The following CTSS variants were observed in gnomAD, a reference collection of about 807,000 sequenced individuals.
CTSS encodes cathepsin S.
Under a neutral mutation model 39.9 loss-of-function variants are expected in CTSS, and 15 were observed. The ratio of observed to expected loss-of-function variants is 0.38; its 90% CI spans 0.25 to 0.58. The LOEUF is 0.58. Ranked by LOEUF, CTSS falls within the 20% of genes least tolerant of loss-of-function variation. The pLI is 0.70. For synonymous variants in CTSS, 126 were observed against 138.2 expected, an observed-to-expected ratio of 0.91 and a Z score of 0.62; for missense variants, 250 against 398.2, an observed-to-expected ratio of 0.63 and a Z score of 3.17.
intron 7 of CTSS, among the ~76,000 whole-genome samples, chr1:150,740,547 C>T (rs1233772320): frequency 6.6e-6 from 1 of 151,894 alleles, no homozygotes; most frequent in Non-Finnish European, 1.5e-5. Flanking sequence ...TGCGCCACCA[C>T]GCCTGGCTAA....
Position 150,751,896 on chromosome 1 carries a change from G to A in CTSS, c.512C>T (p.Ser171Leu). 1 of 1,614,112 alleles carries A rather than the reference G, an allele frequency of 6.2e-7. No individual in the cohort carries two copies. The highest frequency in any genetic ancestry group is 8.5e-7 in the Non-Finnish European group (1 of 1,180,032). ...SLSAQNLVDC[S>L]TEKYGNKGCN... ...GCCTTTGTTTCCATATTTTTCAGTT[G>A]AGCAATCCACCAGGTTCTGGGCACT... Residue 171 changes from serine (S) to leucine (L), a missense_variant, in exon 5 of 8, where the codon TCA becomes TTA. Ser to Leu is a moderately radical substitution (Grantham distance 145). Transcript: ENST00000368985.
intron 7 of CTSS, among the ~76,000 whole-genome samples, chr1:150,737,687 A>T (rs2101910030): frequency 6.6e-6 from 1 of 152,318 alleles, no homozygotes; most frequent in South Asian, 2.1e-4. Flanking sequence ...GATTACAGAG[A>T]CAAAGTCTTT....
At chr1:150,765,569 G>A (rs1310618206) in intron 1 of CTSS, 129 bp downstream of exon 1, 1 of 152,102 alleles carries the variant, frequency 6.6e-6, no homozygotes, top group Non-Finnish European at 1.5e-5. Context: ...TAGAGAAGAG[G>A]CAAATTGAAC....
At position 150,731,429 on chromosome 1, in the gene CTSS, T is replaced by C. The variant is rs1652520082; in HGVS notation, c.*1617A>G. 1 of 152,218 alleles carries C rather than the reference T, an allele frequency of 6.6e-6. No homozygotes were observed. The highest frequency in any genetic ancestry group is 1.5e-5 in the Non-Finnish European group (1 of 68,040). 9.4% of individuals were successfully genotyped at this position (152,218 alleles called of 1,614,324 possible). Reference sequence around the variant, plus strand: ...CTGAAAAGTAATCAACTAAATACTTTTAAACTATAATATTCTATACACTTT... The same window carrying C: ...CTGAAAAGTAATCAACTAAATACTTCTAAACTATAATATTCTATACACTTT... On this transcript the variant is annotated 3_prime_UTR_variant, in exon 8 of 8. Transcript: ENST00000368985.
intron 2 of CTSS, among the ~76,000 whole-genome samples, chr1:150,759,163 C>T (rs764631145): frequency 6.6e-5 from 10 of 151,850 alleles, no homozygotes; most frequent in Non-Finnish European, 7.4e-5. Flanking sequence ...AACCATACAC[C>T]CAGCCATGAT....
chr1:150,758,092 C>T, intron 2 of CTSS, 112 bp from the exon 3 acceptor site: 1 of 963,732 alleles, frequency 1.0e-6, no homozygotes, highest in Non-Finnish European at 1.5e-6. Flanking sequence ...CTCTGTCACC[C>T]AAGCTGGAGT....
At chr1:150,736,694 A>T (rs1001459665) in intron 7 of CTSS, among the ~76,000 whole-genome samples, 3 of 152,080 alleles carry the variant, frequency 2.0e-5, no homozygotes. Context: ...ACCAAGATCA[A>T]TTGCCCCCAG....
intron 7 of CTSS, among the ~76,000 whole-genome samples, chr1:150,738,389 C>A (rs184623521): frequency 2.2e-4 from 34 of 152,288 alleles, no homozygotes; most frequent in Non-Finnish European, 4.4e-4. Context: ...TTCCAACAGC[C>A]TGTGCTCACT....
chr1:150,736,580 T>C (rs1652640132), intron 7 of CTSS, among the ~76,000 whole-genome samples: 1 of 152,168 alleles, frequency 6.6e-6, no homozygotes, highest in Admixed American at 6.6e-5. Context: ...GTATGAAAAT[T>C]GAATTGAGGG....
chr1:150,745,752 T>G (rs751796144), intron 7 of CTSS, among the ~76,000 whole-genome samples: 7 of 152,082 alleles, frequency 4.6e-5, no homozygotes, highest in African/African-American at 7.2e-5. Flanking sequence ...TCAGGGTGAT[T>G]GTCCTAAAGG....
chr1:150,741,459 A>T (rs1652754516), intron 7 of CTSS, among the ~76,000 whole-genome samples: 1 of 152,178 alleles, frequency 6.6e-6, no homozygotes, highest in South Asian at 2.1e-4. Flanking sequence ...ATTGTTAGGC[A>T]TTTTTGGCTA....
chr1:150,744,574 AATATATT>A (rs1652850922), intron 7 of CTSS, among the ~76,000 whole-genome samples: 1 of 118,194 alleles, frequency 8.5e-6, no homozygotes, highest in Non-Finnish European at 1.7e-5. Context: ...ATGTATACAT[AATATATT>A]ATATATTATA....
At chr1:150,756,958 T>G (rs1199493538) in intron 3 of CTSS, among the ~76,000 whole-genome samples, 1 of 152,152 alleles carries the variant, frequency 6.6e-6, no homozygotes, top group Non-Finnish European at 1.5e-5. Context: ...TCAGGTGATC[T>G]GCCCACCTTG....
At chr1:150,734,483 A>G (rs1048622796) in intron 7 of CTSS, among the ~76,000 whole-genome samples, 1 of 152,048 alleles carries the variant, frequency 6.6e-6, no homozygotes, top group Non-Finnish European at 1.5e-5. Flanking sequence ...TCTACTAAAA[A>G]TACAAAAACT....
At chr1:150,756,114 A>G (rs907281033) in intron 3 of CTSS, among the ~76,000 whole-genome samples, 2 of 152,104 alleles carry the variant, frequency 1.3e-5, no homozygotes, top group Admixed American at 6.6e-5. Context: ...AAGTTTTTAC[A>G]CTTTTTTGTT....
At chr1:150,747,666 C>A in intron 7 of CTSS, 111 bp downstream of exon 7, 1 of 728,060 alleles carries the variant, frequency 1.4e-6, no homozygotes, top group South Asian at 1.7e-5. Context: ...CTATAAAGTT[C>A]ATCATTGTCA....
At position 150,755,115 on chromosome 1, in the gene CTSS, C is replaced by T. The variant is rs764345399; in HGVS notation, c.285G>A (p.Leu95=). ...TTCTCTGCCACTGGCTGGGAACTCTCAGGGAACTCATCAAAGACATCACTT... is the reference window on the plus strand; with the variant it reads ...TTCTCTGCCACTGGCTGGGAACTCTTAGGGAACTCATCAAAGACATCACTT... ...SEEVMSLMSS[L]RVPSQWQRNI... is the part of the protein sequence containing the mutation. Residue 95 remains leucine, a synonymous_variant, in exon 4 of 8, where the codon CTG becomes CTA. Transcript: ENST00000368985. 1.2e-6 allele frequency: 2 copies of T among 1,614,172 alleles called. No individual in the cohort carries two copies. The highest frequency in any genetic ancestry group is 1.6e-4 in the Middle Eastern group (1 of 6,062).
intron 6 of CTSS, 105 bp from the exon 7 acceptor site, chr1:150,747,984 A>G: frequency 2.7e-6 from 2 of 753,504 alleles, no homozygotes; most frequent in East Asian, 2.7e-5. Flanking sequence ...ATACATAGCA[A>G]GGTTAATTTA....
At chr1:150,744,604 G>A (rs11810015) in intron 7 of CTSS, among the ~76,000 whole-genome samples, 6,912 of 112,522 alleles carry the variant, frequency 0.061, 306 homozygotes, top group East Asian at 0.11. Flanking sequence ...TGTATATTAT[G>A]TATTATATTA....
Sources: gnomAD v4.1 joint callset for allele counts (sites outside exome capture counted in the v4.1 genomes callset) on GRCh38, gnomAD v4.1.1 for gene constraint, MANE v1.5 for transcripts, NCBI Gene and HGNC (gene_info 2026-07-23, HGNC 2026-07-21) for gene names.